Variants in FARS2 observed in about 807,000 individuals in gnomAD.
The protein encoded by FARS2 is phenylalanyl-tRNA synthetase 2, mitochondrial.
A neutral mutation model predicts 46.4 loss-of-function variants in FARS2; 40 were observed. That is an observed-to-expected ratio of 0.86 (90% CI 0.67 to 1.12). The LOEUF (loss-of-function observed/expected upper bound fraction) is 1.12, where lower values mean the gene tolerates loss of function less well. Among genes scored for constraint, FARS2 ranks in the 50% most tolerant of loss-of-function variants. FARS2 has a pLI of 0.00. For missense variants in FARS2, 513 were observed against 567.9 expected, an observed-to-expected ratio of 0.90 and a Z score of 0.98; for synonymous variants, 234 against 214.9, an observed-to-expected ratio of 1.09 and a Z score of -0.78.
chr6:5,531,965 C>G (rs1769868399), intron 4 of FARS2, among the ~76,000 whole-genome samples: 3 of 152,192 alleles, frequency 2.0e-5, no homozygotes, highest in Non-Finnish European at 4.4e-5. Flanking sequence ...TGCCTTCATT[C>G]AATACCACTG....
At chr6:5,419,836 C>T (rs184226276) in intron 3 of FARS2, among the ~76,000 whole-genome samples, 210 of 152,320 alleles carry the variant, frequency 1.4e-3, no homozygotes, top group Non-Finnish European at 2.3e-3. Context: ...TGCCATCCTG[C>T]AGGAGGCAGG....
the FARS2 span, among the ~76,000 whole-genome samples, chr6:5,250,400 C>T: frequency 1.3e-5 from 2 of 152,080 alleles, no homozygotes; most frequent in African/African-American, 4.8e-5. Context: ...ACCCCAAAAC[C>T]TTGGCTGCTA....
intron 5 of FARS2, among the ~76,000 whole-genome samples, chr6:5,576,164 A>C (rs1439175286): frequency 2.6e-5 from 4 of 152,196 alleles, no homozygotes; most frequent in Non-Finnish European, 5.9e-5. Flanking sequence ...GATGGTTAAT[A>C]CTGATTGTCA....
chr6:5,402,397 G>A (rs1194250412), intron 2 of FARS2, among the ~76,000 whole-genome samples: 1 of 147,154 alleles, frequency 6.8e-6, no homozygotes, highest in Non-Finnish European at 1.5e-5. Flanking sequence ...GTTTTGGGGG[G>A]TGGGTGGGAG....
chr6:5,340,493 C>G (rs1771478408), intron 1 of FARS2, among the ~76,000 whole-genome samples: 1 of 152,144 alleles, frequency 6.6e-6, no homozygotes, highest in Non-Finnish European at 1.5e-5. Context: ...CTCTGATCTT[C>G]ATGTAAATAC....
intron 1 of FARS2, among the ~76,000 whole-genome samples, chr6:5,303,677 A>G (rs1349140002): frequency 1.3e-5 from 2 of 151,748 alleles, no homozygotes; most frequent in African/African-American, 2.4e-5. Context: ...TGATTATTGC[A>G]TTTCTTGCCA....
intron 6 of FARS2, among the ~76,000 whole-genome samples, chr6:5,670,386 A>G (rs1778391681): frequency 6.6e-6 from 1 of 152,222 alleles, no homozygotes. Flanking sequence ...CTAAACATTT[A>G]CTTACTAAAC....
the FARS2 span, among the ~76,000 whole-genome samples, chr6:5,253,765 G>A: frequency 2.4e-4 from 36 of 151,272 alleles, no homozygotes; most frequent in South Asian, 6.2e-4. Context: ...TTGACCATTC[G>A]ATGGTCGTTC....
rs1031236457 is a variant in FARS2, at chr6:5,633,339, G to C, written c.1217+20019G>C. Among the ~76,000 whole-genome samples, 6 of 138,378 alleles carry C rather than the reference G, an allele frequency of 4.3e-5. No homozygotes were observed. In the South Asian group the frequency reaches 1.1e-3, roughly 26 times the overall value. The allele number at this position is 138,378 out of a possible 152,430, so 90.8% of individuals were successfully genotyped here. On this transcript the variant is annotated intron_variant, in intron 6 of 6. Transcript: ENST00000274680. ...TGCCCAGGCTGGAGTGCAGTGGTGC[G>C]ATCTCAGCTCACTGCAACCTCCGCT... is the stretch of plus-strand genomic sequence containing the variant.
intron 4 of FARS2, chr6:5,466,667 T>A: frequency 1.0e-6 from 1 of 985,426 alleles, no homozygotes; most frequent in Non-Finnish European, 1.2e-6. Context: ...GCAAAGTGAC[T>A]CAGTGATTTT....
chr6:5,417,867 A>C (rs1762330797), intron 3 of FARS2, among the ~76,000 whole-genome samples: 1 of 152,086 alleles, frequency 6.6e-6, no homozygotes, highest in Admixed American at 6.6e-5. Flanking sequence ...GTATGTGGCC[A>C]CTTAAAACTT....
At chr6:5,316,473 C>T (rs1769525940) in intron 1 of FARS2, among the ~76,000 whole-genome samples, 1 of 152,142 alleles carries the variant, frequency 6.6e-6, no homozygotes, top group African/African-American at 2.4e-5. Flanking sequence ...AATGACTCTT[C>T]CTAGACCCAT....
intron 6 of FARS2, among the ~76,000 whole-genome samples, chr6:5,714,964 G>A (rs1170860263): frequency 2.6e-5 from 4 of 152,222 alleles, no homozygotes; most frequent in Admixed American, 1.3e-4. Context: ...GGTAGAGGTT[G>A]CAGTGAGTGG....
chr6:5,397,629 A>G (rs1760988161), intron 2 of FARS2, among the ~76,000 whole-genome samples: 1 of 152,254 alleles, frequency 6.6e-6, no homozygotes, highest in African/African-American at 2.4e-5. Flanking sequence ...TTATTTAAAA[A>G]AAGAGACTAT....
intron 6 of FARS2, among the ~76,000 whole-genome samples, chr6:5,669,698 G>C (rs974701203): frequency 6.6e-6 from 1 of 152,192 alleles, no homozygotes; most frequent in Non-Finnish European, 1.5e-5. Context: ...TGCCCTGCTA[G>C]TCATTTGGCC....
chr6:5,553,642 A>G (rs1410714068), intron 5 of FARS2, among the ~76,000 whole-genome samples: 5 of 152,200 alleles, frequency 3.3e-5, no homozygotes. Flanking sequence ...TTACAGAAAA[A>G]TACAGCATGA....
chr6:5,438,153 A>G (rs1763630724), intron 4 of FARS2, among the ~76,000 whole-genome samples: 1 of 151,238 alleles, frequency 6.6e-6, no homozygotes. Flanking sequence ...ACTTGTAAAT[A>G]CTAGTATCTT....
At chr6:5,260,807 C>G, upstream of FARS2, 1 of 1,530,516 alleles carries the variant, frequency 6.5e-7, no homozygotes, top group Non-Finnish European at 8.7e-7. Flanking sequence ...GAAACTCCAG[C>G]CTGTGCGGAA....
At chr6:5,717,739 A>G (rs1234172219) in intron 6 of FARS2, among the ~76,000 whole-genome samples, 3 of 152,026 alleles carry the variant, frequency 2.0e-5, no homozygotes, top group Non-Finnish European at 4.4e-5. Context: ...TCAGCTTTTT[A>G]CATAATATAT....
Sources: allele counts gnomAD v4.1 joint callset (sites outside exome capture counted in the v4.1 genomes callset), GRCh38; gene constraint gnomAD v4.1.1; transcripts MANE v1.5; gene names NCBI Gene and HGNC (gene_info 2026-07-23, HGNC 2026-07-21).